BLTP1: variants seen among roughly 807,000 people sequenced by gnomAD.
BLTP1 encodes bridge-like lipid transfer protein family member 1, also known as fragile site-associated protein.
the BLTP1 span, chr4:122,362,435 TAA>T: frequency 8.9e-6 from 4 of 450,650 alleles, no homozygotes; most frequent in Non-Finnish European, 1.6e-5. Flanking sequence ...CATGATAATG[TAA>T]ATTTTGTGAA....
chr4:122,224,752 G>A, the BLTP1 span: 1 of 1,609,930 alleles, frequency 6.2e-7, no homozygotes, highest in Non-Finnish European at 8.5e-7. Context: ...AGAATAACTT[G>A]TATGCCTGTT....
At chr4:122,339,438 T>C in the BLTP1 span, 1 of 1,529,110 alleles carries the variant, frequency 6.5e-7, no homozygotes, top group Non-Finnish European at 8.9e-7. Flanking sequence ...ATTCCTCTAG[T>C]ATAAAGCCAA....
At chr4:122,244,142 GA>G in the BLTP1 span, 1 of 1,119,216 alleles carries the variant, frequency 8.9e-7, no homozygotes, top group Non-Finnish European at 1.2e-6. Context: ...AAGTATATGT[GA>G]TATATGTTCA....
chr4:122,161,556 C>T, the BLTP1 span, among the ~76,000 whole-genome samples: 64 of 151,854 alleles, frequency 4.2e-4, no homozygotes, highest in Middle Eastern at 0.01. Context: ...TCAGTCTCTC[C>T]AGTAGATGGA....
At chr4:122,334,406 G>A in the BLTP1 span, 1 of 1,612,792 alleles carries the variant, frequency 6.2e-7, no homozygotes, top group South Asian at 1.1e-5. Context: ...GATCTTCCTT[G>A]CCAAGAACAC....
chr4:122,253,578 C>T, the BLTP1 span, among the ~76,000 whole-genome samples: 1 of 151,814 alleles, frequency 6.6e-6, no homozygotes, highest in Admixed American at 6.6e-5. Context: ...AGCTTGAAGA[C>T]AGACTGTTTG....
At chr4:122,239,214 A>G in the BLTP1 span, among the ~76,000 whole-genome samples, 6 of 152,144 alleles carry the variant, frequency 3.9e-5, no homozygotes, top group African/African-American at 1.4e-4. Flanking sequence ...AGGATGTGAA[A>G]GAAAAAAAAC....
chr4:122,175,350 G>A, the BLTP1 span: 1 of 713,236 alleles, frequency 1.4e-6, no homozygotes, highest in Non-Finnish European at 1.7e-6. Flanking sequence ...TGGGGCATGA[G>A]ATGATAGGTT....
the BLTP1 span, chr4:122,263,010 A>G: frequency 1.3e-3 from 2,092 of 1,603,916 alleles, 17 homozygotes; most frequent in African/African-American, 0.025. Context: ...TGATAATTAC[A>G]TGTTTATATT....
chr4:122,239,811 C>A, the BLTP1 span: 1 of 1,613,998 alleles, frequency 6.2e-7, no homozygotes, highest in Non-Finnish European at 8.5e-7. Flanking sequence ...TAATTCATTT[C>A]ATCAGTATCG....
the BLTP1 span, among the ~76,000 whole-genome samples, chr4:122,322,882 A>G: frequency 1.3e-5 from 2 of 152,132 alleles, no homozygotes; most frequent in Admixed American, 6.6e-5. Flanking sequence ...CTTATTCAGA[A>G]AAAGAAAGTA....
the BLTP1 span, among the ~76,000 whole-genome samples, chr4:122,260,389 A>G: frequency 6.6e-6 from 1 of 152,224 alleles, no homozygotes; most frequent in African/African-American, 2.4e-5. Flanking sequence ...TAAAGATCTC[A>G]TCCTTATCAG....
chr4:122,361,440 G>A, the BLTP1 span, among the ~76,000 whole-genome samples: 1 of 152,104 alleles, frequency 6.6e-6, no homozygotes, highest in African/African-American at 2.4e-5. Context: ...GCTTGCTCCT[G>A]AAAAACCTGT....
chr4:122,358,075 TTATA>T, the BLTP1 span, among the ~76,000 whole-genome samples: 1 of 152,194 alleles, frequency 6.6e-6, no homozygotes, highest in African/African-American at 2.4e-5. Context: ...ATCTTGTATA[TTATA>T]TATAAGTAGA....
At chr4:122,169,386 T>C in the BLTP1 span, among the ~76,000 whole-genome samples, 1 of 152,140 alleles carries the variant, frequency 6.6e-6, no homozygotes, top group African/African-American at 2.4e-5. Flanking sequence ...GCAGAAAAAA[T>C]TTGCTGTTTT....
chr4:122,159,890 G>T, the BLTP1 span, among the ~76,000 whole-genome samples: 1 of 152,184 alleles, frequency 6.6e-6, no homozygotes, highest in African/African-American at 2.4e-5. Flanking sequence ...ACATAATTCT[G>T]TTGGGCTTTA....
At chr4:122,288,178 A>T in the BLTP1 span, among the ~76,000 whole-genome samples, 1 of 152,172 alleles carries the variant, frequency 6.6e-6, no homozygotes, top group Admixed American at 6.5e-5. Context: ...ATTTGCCAGA[A>T]ATTTAATACC....
the BLTP1 span, among the ~76,000 whole-genome samples, chr4:122,267,406 A>G: frequency 6.6e-6 from 1 of 152,270 alleles, no homozygotes; most frequent in South Asian, 2.1e-4. Flanking sequence ...ACCTTTTAGT[A>G]AAAGTAGTAG....
the BLTP1 span, chr4:122,276,229 CTGT>C: frequency 7.8e-5 from 33 of 424,772 alleles, no homozygotes; most frequent in Non-Finnish European, 1.1e-4. Context: ...CATACCTTGT[CTGT>C]TGTTGTTGAC....
Sources: gnomAD v4.1 joint callset for allele counts (sites outside exome capture counted in the v4.1 genomes callset) on GRCh38, gnomAD v4.1.1 for gene constraint, MANE v1.5 for transcripts, NCBI Gene and HGNC (gene_info 2026-07-23, HGNC 2026-07-21) for gene names.